The following AK7 variants were observed in gnomAD, a reference collection of about 807,000 sequenced individuals.
AK7 encodes the protein adenylate kinase 7.
Under a neutral mutation model 96.6 loss-of-function variants are expected in AK7, and 78 were observed. That is an observed-to-expected ratio of 0.81 (90% CI 0.67 to 0.97). The LOEUF (loss-of-function observed/expected upper bound fraction) is 0.97. Ranked by LOEUF, AK7 falls within the 50% of genes least tolerant of loss-of-function variation. AK7 has a pLI of 0.00. For missense variants in AK7, 855 were observed against 887.9 expected (o/e 0.96, Z 0.47); for synonymous variants, 302 against 317.2 (o/e 0.95, Z 0.51).
chr14:96,449,543 C>T lies in AK7; in HGVS notation c.871-259C>T, dbSNP rs374034973. 3.9e-3 allele frequency among the ~76,000 whole-genome samples: 588 copies of T among 152,314 alleles called. 8 individuals are homozygous for T. The highest frequency in any genetic ancestry group is 0.014 in the African/African-American group (572 of 41,560). On this transcript the variant is annotated intron_variant, in intron 8 of 17. Coordinates refer to ENST00000267584, the MANE Select transcript of AK7 (RefSeq NM_152327.5). ...CTGTCTCTCAGGTTCAAGCAATTCT[C>T]GTGTCTCAGCCTCCTGAGTAGCTGG...
chr14:96,433,314 A>G (rs1892460038), intron 5 of AK7, among the ~76,000 whole-genome samples: 1 of 152,186 alleles, frequency 6.6e-6, no homozygotes, highest in African/African-American at 2.4e-5. Flanking sequence ...CGCCAATCAA[A>G]CATAGATTTG....
At chr14:96,466,073 T>G (rs1371497496) in intron 12 of AK7, among the ~76,000 whole-genome samples, 1 of 151,758 alleles carries the variant, frequency 6.6e-6, no homozygotes, top group Non-Finnish European at 1.5e-5. Flanking sequence ...GGAGGAAGTT[T>G]TTTTGGTGGG....
intron 1 of AK7, among the ~76,000 whole-genome samples, chr14:96,396,998 G>A (rs548188686): frequency 1.7e-4 from 26 of 152,322 alleles, no homozygotes; most frequent in Admixed American, 1.6e-3. Context: ...TCAGGAGGCT[G>A]AGGCCGGAGG....
intron 5 of AK7, among the ~76,000 whole-genome samples, chr14:96,437,165 G>A (rs1892684801): frequency 6.6e-6 from 1 of 152,144 alleles, no homozygotes; most frequent in Admixed American, 6.5e-5. Context: ...GGAGACTATA[G>A]TCAGTAATAA....
intron 14 of AK7, among the ~76,000 whole-genome samples, chr14:96,477,004 A>C (rs886492467): frequency 6.6e-6 from 1 of 152,230 alleles, no homozygotes; most frequent in African/African-American, 2.4e-5. Flanking sequence ...GAATCTGTTG[A>C]CATCCTTTTG....
At chr14:96,396,803 C>T (rs527384816) in intron 1 of AK7, among the ~76,000 whole-genome samples, 53 of 152,340 alleles carry the variant, frequency 3.5e-4, no homozygotes, top group African/African-American at 1.3e-3. Flanking sequence ...AGAGAAACTT[C>T]GCCAACTTCT....
chr14:96,464,969 A>G (rs1056484203), intron 12 of AK7, among the ~76,000 whole-genome samples: 12 of 152,166 alleles, frequency 7.9e-5, no homozygotes, highest in African/African-American at 2.9e-4. Flanking sequence ...CAGACCCACT[A>G]AGGATGTATC....
At chr14:96,411,719 G>T (rs1221318127) in intron 4 of AK7, among the ~76,000 whole-genome samples, 2 of 152,142 alleles carry the variant, frequency 1.3e-5, no homozygotes, top group African/African-American at 4.8e-5. Context: ...CAACAAGACC[G>T]ATTACGCAAA....
rs71103528 is a variant in AK7, at chr14:96,448,630, TA to T, written c.871-1138del. Among the ~76,000 whole-genome samples, 606 of 74,658 alleles carry T rather than the reference TA, an allele frequency of 8.1e-3. 1 individual carries two copies. Among genetic ancestry groups the T allele is most frequent in the Non-Finnish European group, 0.015 (499 of 33,884 alleles). 49.0% of individuals were successfully genotyped at this position (74,658 alleles called of 152,430 possible). On this transcript the variant is annotated intron_variant, in intron 8 of 17. Coordinates refer to ENST00000267584, the MANE Select transcript of AK7 (RefSeq NM_152327.5). The stretch of plus-strand genomic sequence containing the variant: ...GGGCAATAGAACAAGACCCTATCTC[TA>T]AAAAAAAAAAAAAAAAAAAAAAAAA...
intron 12 of AK7, among the ~76,000 whole-genome samples, chr14:96,468,073 C>CAAAAAAA (rs35563628): frequency 2.5e-5 from 2 of 79,132 alleles, no homozygotes; most frequent in African/African-American, 5.6e-5. Context: ...CCCGTCTCTA[C>CAAAAAAA]AAAAAAAAAA....
chr14:96,474,552 G>A (rs1895074376), intron 14 of AK7, among the ~76,000 whole-genome samples: 1 of 151,916 alleles, frequency 6.6e-6, no homozygotes, highest in East Asian at 1.9e-4. Flanking sequence ...CTTGAGTGTG[G>A]GAAGTCAAGG....
intron 4 of AK7, among the ~76,000 whole-genome samples, chr14:96,415,338 G>C (rs1478807331): frequency 1.3e-5 from 2 of 151,682 alleles, no homozygotes; most frequent in African/African-American, 2.4e-5. Flanking sequence ...AAAGAAAAAA[G>C]GAAATCTGGC....
intron 5 of AK7, among the ~76,000 whole-genome samples, chr14:96,425,355 A>G (rs749040789): frequency 1.3e-5 from 2 of 152,170 alleles, no homozygotes; most frequent in African/African-American, 2.4e-5. Flanking sequence ...TTACATACAC[A>G]AAAGGTAGAC....
In AK7 at chr14:96,404,988, A is replaced by G. The variant is rs535400252; in HGVS notation, c.403+123A>G. 6.1e-5 allele frequency: 30 copies of G among 492,682 alleles called. 1 individual carries two copies. The highest frequency in any genetic ancestry group is 3.6e-4 in the East Asian group (12 of 33,770). The allele number at this position is 492,682 out of a possible 1,614,324, so 30.5% of individuals were successfully genotyped here. A position where few individuals can be genotyped will look rare whatever the true frequency, so the allele number is the denominator to read the frequency against. On this transcript the variant is annotated intron_variant, in intron 3 of 17. Transcript: ENST00000267584. Reference sequence around the variant, plus strand: ...AGAAAAACTGGTCTGAGACTTACCTAAAGTATGAAATCCATGATAATAATA... The same window carrying G: ...AGAAAAACTGGTCTGAGACTTACCTGAAGTATGAAATCCATGATAATAATA...
At chr14:96,438,066 G>A (rs753939851) in intron 6 of AK7, 151 bp downstream of exon 6, 25 of 564,096 alleles carry the variant, frequency 4.4e-5, no homozygotes, top group Admixed American at 1.1e-4. Flanking sequence ...AAAGACCTAC[G>A]TTTCTTTCCC....
chr14:96,479,689 C>T (rs1595466446), intron 15 of AK7, among the ~76,000 whole-genome samples: 1 of 152,210 alleles, frequency 6.6e-6, no homozygotes, highest in Non-Finnish European at 1.5e-5. Context: ...CTCCAGTTCT[C>T]AGCTTTCACA....
At chr14:96,417,196 A>G (rs991249093) in intron 4 of AK7, among the ~76,000 whole-genome samples, 1 of 152,242 alleles carries the variant, frequency 6.6e-6, no homozygotes, top group Non-Finnish European at 1.5e-5. Context: ...CTGACTACAC[A>G]GTTTCCAGAC....
At chr14:96,446,675 T>C in intron 8 of AK7, 68 bp downstream of exon 8, 8 of 1,415,646 alleles carry the variant, frequency 5.7e-6, no homozygotes, top group Non-Finnish European at 8.0e-6. Context: ...GCGCGGTGGC[T>C]CATGCCTGTA....
chr14:96,421,226 T>C (rs1472491063), intron 5 of AK7, among the ~76,000 whole-genome samples: 2 of 152,308 alleles, frequency 1.3e-5, no homozygotes, highest in Admixed American at 6.5e-5. Flanking sequence ...AACCACATTT[T>C]CCCTGTTCCC....
Sources: gnomAD v4.1 joint callset for allele counts (sites outside exome capture counted in the v4.1 genomes callset) on GRCh38, gnomAD v4.1.1 for gene constraint, MANE v1.5 for transcripts, NCBI Gene and HGNC (gene_info 2026-07-23, HGNC 2026-07-21) for gene names.